The following SNX14 variants were observed in gnomAD, a reference collection of about 807,000 sequenced individuals.
SNX14 encodes the protein sorting nexin-14.
In SNX14, 93 loss-of-function variants were observed where a neutral mutation model predicts 133.8. The observed-to-expected ratio is 0.70, with a 90% CI of 0.59 to 0.83. The LOEUF (loss-of-function observed/expected upper bound fraction) is 0.83, where lower values mean the gene tolerates loss of function less well. SNX14 is among the 40% of genes least tolerant of loss of function. The pLI, the probability that SNX14 is intolerant of heterozygous loss-of-function variation, is 0.00. For synonymous variants in SNX14, 368 were observed against 365.6 expected (o/e 1.01, Z -0.07); for missense variants, 945 against 1,094.9 (o/e 0.86, Z 1.93).
chr6:85,548,215 T>C, intron 9 of SNX14, 86 bp downstream of exon 9: 1 of 930,166 alleles, frequency 1.1e-6, no homozygotes, highest in Non-Finnish European at 1.7e-6. Context: ...TCAGTATCAC[T>C]GACTATATAC....
Position 85,565,380 on chromosome 6 carries a change from T to C in SNX14, c.501A>G (p.Arg167=). 6.2e-7 allele frequency: 1 copy of C among 1,604,538 alleles called. No homozygotes were observed. The highest frequency in any genetic ancestry group is 8.5e-7 in the Non-Finnish European group (1 of 1,175,078). The change falls in exon 6 of 29, where the codon AGA becomes AGG. Residue 167 remains arginine (R), a synonymous_variant. Transcript: ENST00000314673. The part of the protein sequence containing the change: ...TDDESFVDEL[R]ITLRFFASVL... The stretch of plus-strand genomic sequence containing the variant: ...CAGATGCAAAAAAACGTAATGTTAT[T>C]CTCAGTTCATCAACAAAGGATTCAT...
chr6:85,514,894 C>T (rs1008612942), intron 23 of SNX14, among the ~76,000 whole-genome samples: 13 of 152,046 alleles, frequency 8.6e-5, no homozygotes, highest in African/African-American at 3.1e-4. Context: ...TTAAAGACCC[C>T]TTTGTTTTTA....
intron 1 of SNX14, among the ~76,000 whole-genome samples, chr6:85,579,529 T>C (rs535896335): frequency 1.9e-3 from 295 of 152,332 alleles, no homozygotes; most frequent in Non-Finnish European, 3.7e-3. Context: ...AAGGCAATTC[T>C]GAAATTGCCA....
intron 1 of SNX14, among the ~76,000 whole-genome samples, chr6:85,587,965 C>CG (rs1022970638): frequency 1.2e-4 from 18 of 152,080 alleles, no homozygotes; most frequent in East Asian, 5.8e-4. Flanking sequence ...AGGGGAGGAG[C>CG]GGGGGGCAGG....
chr6:85,519,441 C>A (rs896514330), intron 21 of SNX14, among the ~76,000 whole-genome samples: 6 of 152,214 alleles, frequency 3.9e-5, no homozygotes, highest in Admixed American at 3.9e-4. Context: ...CCAGCTTGGG[C>A]AACAAAGCGA....
At chr6:85,570,714 G>C (rs540579013) in intron 4 of SNX14, among the ~76,000 whole-genome samples, 1 of 151,990 alleles carries the variant, frequency 6.6e-6, no homozygotes, top group East Asian at 1.9e-4. Flanking sequence ...TTAGCTGGGC[G>C]TGGTGGTGTG....
chr6:85,518,470 A>G (rs556992262), intron 21 of SNX14, among the ~76,000 whole-genome samples: 20 of 152,324 alleles, frequency 1.3e-4, no homozygotes, highest in African/African-American at 4.8e-4. Context: ...GAACTGCCTC[A>G]ATATTTAAAA....
At position 85,533,950 on chromosome 6, in the gene SNX14, G is replaced by C. The variant is rs144307037; in HGVS notation, c.1609-150C>G. On this transcript the variant is annotated intron_variant, in intron 17 of 28. Transcript: ENST00000314673. ...TGATATTAAATTTTCTACTGAAAAA[G>C]TAAAGGTAAAAAGTTAAAAACTAAC... The C allele has an allele frequency of 3.0e-4, 200 of 676,808 alleles. No homozygotes were observed. The African/African-American group carries it at 3.4e-3, about 11-fold the overall frequency. 41.9% of individuals were successfully genotyped at this position (676,808 alleles called of 1,614,324 possible).
rs1464584937 is a variant in SNX14, at chr6:85,572,278, T to C, written c.338+20A>G. 1.2e-6 allele frequency: 2 copies of C among 1,611,442 alleles called. No homozygotes were observed. The highest frequency in any genetic ancestry group is 1.7e-5 in the Admixed American group (1 of 59,732). On this transcript the variant is annotated intron_variant, in intron 3 of 28. Coordinates refer to ENST00000314673, the MANE Select transcript of SNX14 (RefSeq NM_153816.6). Reference sequence around the variant, plus strand: ...AAATGTAATTAGAAGGATCAACAAATAAAAAAATATTTAACTTACCTATGT... The same window carrying C: ...AAATGTAATTAGAAGGATCAACAAACAAAAAAATATTTAACTTACCTATGT...
chr6:85,579,667 A>G (rs552811583), intron 1 of SNX14, among the ~76,000 whole-genome samples: 6 of 152,260 alleles, frequency 3.9e-5, no homozygotes, highest in South Asian at 4.1e-4. Flanking sequence ...GGAAGAACTT[A>G]GCCGATGCCC....
chr6:85,573,803 T>C (rs1208786940), intron 2 of SNX14, among the ~76,000 whole-genome samples: 3 of 152,168 alleles, frequency 2.0e-5, no homozygotes, highest in African/African-American at 7.2e-5. Context: ...ACCCCAGGAA[T>C]CTGTATTTTT....
At chr6:85,580,419 AT>A (rs1165553110) in intron 1 of SNX14, among the ~76,000 whole-genome samples, 2 of 152,150 alleles carry the variant, frequency 1.3e-5, no homozygotes, top group African/African-American at 4.8e-5. Context: ...CACTGCTCTG[AT>A]GGCTACAAAG....
At position 85,593,817 on chromosome 6, in the gene SNX14, C is replaced by T; in HGVS notation, c.-99G>A. On this transcript the variant is annotated 5_prime_UTR_variant, in exon 1 of 29. Transcript: ENST00000314673. ...CGTCCCCGCCCCACCGACTTGGCGGCGCACACAGACGCCTACCGGCAGTTA... is the reference window on the plus strand; with the variant it reads ...CGTCCCCGCCCCACCGACTTGGCGGTGCACACAGACGCCTACCGGCAGTTA... 4 of 1,564,690 alleles carry T rather than the reference C, an allele frequency of 2.6e-6. No individual in the cohort carries two copies. Among genetic ancestry groups the T allele is most frequent in the Non-Finnish European group, 3.4e-6 (4 of 1,161,120 alleles).
rs1459829130 is a variant in SNX14 at position 85,548,350 on chromosome 6, A to C, written c.818T>G (p.Ile273Ser). The change falls in exon 9 of 29, where the codon ATT (isoleucine) becomes AGT (serine). Residue 273 changes from isoleucine to serine, a missense_variant. Around this residue, in one of 3 missense-constraint regions of SNX14, gnomAD observed 514 missense variants for 538.8 expected, o/e 0.95. Coordinates refer to ENST00000314673, the MANE Select transcript of SNX14 (RefSeq NM_153816.6). Reference sequence around the variant, plus strand: ...AGGAAGGAACACAGAGCCAGACAGAATCTCTCTTATAAGTAAGGTCAGAGA... The same window carrying C: ...AGGAAGGAACACAGAGCCAGACAGACTCTCTCTTATAAGTAAGGTCAGAGA... ...CRSLTLLIREILSGSVFLPSL... is the reference protein window; with the variant it reads ...CRSLTLLIRESLSGSVFLPSL... 2 of 1,607,504 alleles carry C rather than the reference A, an allele frequency of 1.2e-6. No homozygotes were observed.
At chr6:85,567,123 C>T (rs9351063) in intron 5 of SNX14, among the ~76,000 whole-genome samples, 16,907 of 152,194 alleles carry the variant, frequency 0.11, 1,372 homozygotes, top group African/African-American at 0.23. Context: ...TAAATCACTA[C>T]ATTTAGGAGT....
intron 21 of SNX14, 119 bp downstream of exon 21, chr6:85,526,007 G>T: frequency 1.8e-6 from 1 of 552,382 alleles, no homozygotes; most frequent in Non-Finnish European, 3.1e-6. Context: ...ATCTCTAAAT[G>T]CAGAAATAAG....
chr6:85,585,145 A>G (rs1296597182), intron 1 of SNX14, among the ~76,000 whole-genome samples: 1 of 152,198 alleles, frequency 6.6e-6, no homozygotes, highest in Non-Finnish European at 1.5e-5. Flanking sequence ...ACAGAAAACC[A>G]AACACTGCAT....
intron 18 of SNX14, 147 bp downstream of exon 18, chr6:85,533,452 T>C (rs1010289455): frequency 1.5e-5 from 11 of 715,236 alleles, no homozygotes; most frequent in Non-Finnish European, 2.3e-5. Flanking sequence ...CATCCTAAGC[T>C]TTCTTTCAAT....
At chr6:85,565,016 A>G (rs981755168) in intron 6 of SNX14, among the ~76,000 whole-genome samples, 3 of 152,074 alleles carry the variant, frequency 2.0e-5, no homozygotes, top group Admixed American at 1.3e-4. Flanking sequence ...GTTTCAAATA[A>G]TCTTCTAAAA....
Sources: allele counts gnomAD v4.1 joint callset (sites outside exome capture counted in the v4.1 genomes callset), GRCh38; gene constraint gnomAD v4.1.1; regional missense constraint gnomAD v4.1.1; transcripts MANE v1.5; gene names NCBI Gene and HGNC (gene_info 2026-07-23, HGNC 2026-07-21).